The following PPP1CC variants were observed in gnomAD, a reference collection of about 807,000 sequenced individuals.
The protein encoded by PPP1CC is serine/threonine-protein phosphatase PP1-gamma catalytic subunit.
PPP1CC carries 16 observed loss-of-function variants against 38.4 expected under a neutral mutation model. The observed-to-expected ratio is 0.42, with a 90% confidence interval of 0.28 to 0.63. The LOEUF is 0.63. Ranked by LOEUF, PPP1CC falls within the 30% of genes least tolerant of loss-of-function variation. The pLI is 0.25. For synonymous variants in PPP1CC, 158 were observed against 136.0 expected, an observed-to-expected ratio of 1.16 and a Z score of -1.13; for missense variants, 170 against 391.3, an observed-to-expected ratio of 0.43 and a Z score of 4.77.
chr12:110,727,135 T>G (rs1407267906), intron 3 of PPP1CC, among the ~76,000 whole-genome samples: 1 of 152,230 alleles, frequency 6.6e-6, no homozygotes, highest in African/African-American at 2.4e-5. Context: ...GTTTTCCCCA[T>G]GTTGGTCAGA....
At chr12:110,712,699 C>A in the PPP1CC span, among the ~76,000 whole-genome samples, 3 of 148,176 alleles carry the variant, frequency 2.0e-5, no homozygotes, top group Non-Finnish European at 3.0e-5. Context: ...GATGAAAAAC[C>A]CTGGTCTCCT....
intron 3 of PPP1CC, among the ~76,000 whole-genome samples, chr12:110,730,245 G>C (rs2069856753): frequency 6.6e-6 from 1 of 152,220 alleles, no homozygotes; most frequent in African/African-American, 2.4e-5. Flanking sequence ...TGCAGTCCTA[G>C]CTACCTGGGA....
chr12:110,709,702 G>A, the PPP1CC span, among the ~76,000 whole-genome samples: 1 of 151,524 alleles, frequency 6.6e-6, no homozygotes, highest in Non-Finnish European at 1.5e-5. Context: ...GGGATTACAG[G>A]TGCCTGGCTA....
At chr12:110,714,187 AAC>A in the PPP1CC span, among the ~76,000 whole-genome samples, 1 of 152,114 alleles carries the variant, frequency 6.6e-6, no homozygotes, top group Non-Finnish European at 1.5e-5. Flanking sequence ...AAAGTATAAA[AAC>A]ACAGCATTCA....
intron 3 of PPP1CC, among the ~76,000 whole-genome samples, chr12:110,729,543 T>C (rs1440065702): frequency 6.6e-6 from 1 of 152,236 alleles, no homozygotes; most frequent in Non-Finnish European, 1.5e-5. Flanking sequence ...AATCGAAGTA[T>C]ACCTTTAATT....
At chr12:110,724,070 C>CT (rs2069768255) in intron 4 of PPP1CC, among the ~76,000 whole-genome samples, 1 of 151,918 alleles carries the variant, frequency 6.6e-6, no homozygotes, top group Middle Eastern at 3.2e-3. Context: ...AGCCCCGTCT[C>CT]TACTAAAAAT....
intron 1 of PPP1CC, among the ~76,000 whole-genome samples, chr12:110,737,497 A>AAAAAG (rs1555244770): frequency 9.7e-4 from 143 of 147,544 alleles, no homozygotes; most frequent in African/African-American, 2.8e-3. Flanking sequence ...AAAAAAAAAA[A>AAAAAG]AAAAGAAAAG....
chr12:110,733,850 T>C (rs988144802), intron 1 of PPP1CC, among the ~76,000 whole-genome samples: 2 of 152,218 alleles, frequency 1.3e-5, no homozygotes, highest in African/African-American at 4.8e-5. Flanking sequence ...ATTTAAAGAA[T>C]GGTGCTTATG....
intron 1 of PPP1CC, among the ~76,000 whole-genome samples, chr12:110,742,183 G>A (rs558810843): frequency 6.6e-6 from 1 of 152,248 alleles, no homozygotes; most frequent in Admixed American, 6.5e-5. Context: ...AAAGCAAGCA[G>A]GAAAAGAGCC....
chr12:110,732,488 A>G (rs1006322122), intron 1 of PPP1CC: 1 of 152,560 alleles, frequency 6.6e-6, no homozygotes, highest in Non-Finnish European at 1.5e-5. Context: ...CCAGAGGACC[A>G]TGGGTATCTC....
intron 1 of PPP1CC, chr12:110,732,395 C>CA (rs35138959): frequency 0.01 from 1,447 of 139,354 alleles, 4 homozygotes; most frequent in African/African-American, 0.016. Flanking sequence ...GACTCCGTCT[C>CA]AAAAAAAAAA....
chr12:110,742,820 G>C lies in PPP1CC; in HGVS notation c.-113C>G, dbSNP rs2070035530. 2 of 836,692 alleles carry C rather than the reference G, an allele frequency of 2.4e-6. No homozygotes were observed. Among genetic ancestry groups the C allele is most frequent in the African/African-American group, 3.5e-5 (2 of 56,356 alleles). 51.8% of individuals were successfully genotyped at this position (836,692 alleles called of 1,614,324 possible). A position where few individuals can be genotyped will look rare whatever the true frequency, so the allele number is the denominator to read the frequency against. On this transcript the variant is annotated 5_prime_UTR_variant, in exon 1 of 7. Coordinates refer to ENST00000335007, the MANE Select transcript of PPP1CC (RefSeq NM_002710.4). ...GGCGGTGGTGGCGGCGGTGGCAGCA[G>C]CCGCGGCGGGTCCCCCCCCTGCCAC...
intron 1 of PPP1CC, among the ~76,000 whole-genome samples, chr12:110,739,552 T>C (rs896648708): frequency 2.0e-5 from 3 of 152,136 alleles, no homozygotes; most frequent in Non-Finnish European, 4.4e-5. Context: ...ACTCCCTACC[T>C]TCAGAACAAC....
In PPP1CC at chr12:110,724,780, G is replaced by C; in HGVS notation, c.419-16C>G. The C allele has an allele frequency of 1.4e-6, 2 of 1,427,912 alleles. No homozygotes were observed. Among genetic ancestry groups the C allele is most frequent in the Non-Finnish European group, 2.0e-6 (2 of 1,011,372 alleles). The allele number at this position is 1,427,912 out of a possible 1,614,324, so 88.5% of individuals were successfully genotyped here. On this transcript the variant is annotated splice_polypyrimidine_tract_variant and intron_variant, in intron 3 of 6. Coordinates refer to ENST00000335007, the MANE Select transcript of PPP1CC (RefSeq NM_002710.4). ...CTTCTTTTACCTGTGATTAAAAAGA[G>C]AGTATTACATTAAAAAGAGAGTATT...
intron 2 of PPP1CC, among the ~76,000 whole-genome samples, 178 bp downstream of exon 2, chr12:110,731,592 T>TA (rs2069872829): frequency 6.6e-6 from 1 of 152,228 alleles, no homozygotes; most frequent in African/African-American, 2.4e-5. Context: ...TACATCTAAG[T>TA]AAACTAAGTC....
At position 110,722,372 on chromosome 12, in the gene PPP1CC, C is replaced by G; in HGVS notation, c.747+100G>C. 1 of 1,561,280 alleles carries G rather than the reference C, an allele frequency of 6.4e-7. No homozygotes were observed. The highest frequency in any genetic ancestry group is 8.8e-7 in the Non-Finnish European group (1 of 1,137,344). On this transcript the variant is annotated intron_variant, in intron 5 of 6. Transcript: ENST00000335007. The surrounding 1 kb of genome is among the most constrained non-coding windows in gnomAD (Gnocchi z 5.4). ...CCTGATATCTTGTGTTCCAGAAACACTTTGTATAAATAAGCAATACCTACC... is the reference window on the plus strand; with the variant it reads ...CCTGATATCTTGTGTTCCAGAAACAGTTTGTATAAATAAGCAATACCTACC...
chr12:110,734,074 T>C (rs1376588892), intron 1 of PPP1CC, among the ~76,000 whole-genome samples: 2 of 152,166 alleles, frequency 1.3e-5, no homozygotes, highest in African/African-American at 4.8e-5. Flanking sequence ...TGCTGCATGC[T>C]TTTTGAAAGG....
chr12:110,709,318 C>T, the PPP1CC span, among the ~76,000 whole-genome samples: 1 of 151,986 alleles, frequency 6.6e-6, no homozygotes, highest in Non-Finnish European at 1.5e-5. Flanking sequence ...CAACCTCCAC[C>T]TCCCGGGTTC....
At chr12:110,742,203 G>A (rs1302030981) in intron 1 of PPP1CC, among the ~76,000 whole-genome samples, 1 of 152,096 alleles carries the variant, frequency 6.6e-6, no homozygotes, top group Non-Finnish European at 1.5e-5. Flanking sequence ...CCCCAAACCC[G>A]GCGGAACTCA....
Sources: allele counts gnomAD v4.1 joint callset (sites outside exome capture counted in the v4.1 genomes callset), GRCh38; gene constraint gnomAD v4.1.1; non-coding constraint Gnocchi (gnomAD v3.1); transcripts MANE v1.5; gene names NCBI Gene and HGNC (gene_info 2026-07-23, HGNC 2026-07-21).